Variants in DLG2 observed in about 807,000 individuals in gnomAD.
DLG2 encodes disks large homolog 2.
DLG2 carries 45 observed loss-of-function variants against 132.5 expected under a neutral mutation model. The observed-to-expected ratio is 0.34, with a 90% CI of 0.27 to 0.44. The LOEUF (loss-of-function observed/expected upper bound fraction) is 0.44, where lower values mean the gene tolerates loss of function less well. Among genes scored for constraint, DLG2 ranks in the 20% least tolerant of loss-of-function variants. The probability of loss-of-function intolerance (pLI) is 1.00; values close to 1 mark genes in which losing one functional copy is unlikely to be tolerated. For synonymous variants in DLG2, 424 were observed against 419.6 expected (o/e 1.01, Z -0.13); for missense variants, 1,045 against 1,196.9 (o/e 0.87, Z 1.87).
chr11:83,772,323 T>A (rs1439679878), intron 18 of DLG2, among the ~76,000 whole-genome samples: 1 of 151,344 alleles, frequency 6.6e-6, no homozygotes, highest in Admixed American at 6.6e-5. Context: ...GGTGGGAGGA[T>A]CCCTTGAGCC....
At chr11:85,110,159 T>C (rs1292457133) in intron 6 of DLG2, among the ~76,000 whole-genome samples, 1 of 152,096 alleles carries the variant, frequency 6.6e-6, no homozygotes, top group African/African-American at 2.4e-5. Context: ...AGAAGTGTTC[T>C]ATTTATGAAC....
intron 11 of DLG2, 29 bp from the exon 12 acceptor site, chr11:83,980,671 C>T (rs767446764): frequency 2.5e-5 from 38 of 1,503,308 alleles, no homozygotes; most frequent in Non-Finnish European, 3.3e-5. Context: ...AAATGGAAAG[C>T]CTTGTTTTGT....
intron 6 of DLG2, among the ~76,000 whole-genome samples, chr11:84,947,497 GCCTCCAAATTCCTCCATGCCAACAA>G (rs2050370375): frequency 1.3e-5 from 2 of 152,128 alleles, no homozygotes; most frequent in South Asian, 4.1e-4. Context: ...TAGTTAGGCT[GCCTCCAAATTCCTCCATGCCAACAA>G]CCTCCAATCT....
intron 6 of DLG2, among the ~76,000 whole-genome samples, chr11:85,022,384 A>C (rs576713073): frequency 1.3e-5 from 2 of 152,216 alleles, no homozygotes; most frequent in South Asian, 4.1e-4. Flanking sequence ...AAAATAATAT[A>C]TACTTTGCGA....
chr11:85,260,820 T>C (rs2076900240), intron 4 of DLG2, among the ~76,000 whole-genome samples: 1 of 152,152 alleles, frequency 6.6e-6, no homozygotes, highest in African/African-American at 2.4e-5. Flanking sequence ...AATCACTTTT[T>C]TATTACACTG....
intron 6 of DLG2, among the ~76,000 whole-genome samples, chr11:84,765,299 TG>T (rs760128740): frequency 5.3e-5 from 8 of 152,106 alleles, no homozygotes; most frequent in Non-Finnish European, 7.4e-5. Context: ...TGAAAACTCA[TG>T]TCCCTTTTTG....
intron 16 of DLG2, among the ~76,000 whole-genome samples, chr11:83,845,496 C>A (rs1011613990): frequency 8.5e-5 from 13 of 152,150 alleles, no homozygotes; most frequent in African/African-American, 2.9e-4. Flanking sequence ...TATTGGGCAT[C>A]ATACAGATAC....
intron 3 of DLG2, among the ~76,000 whole-genome samples, chr11:85,538,867 G>C (rs1369243068): frequency 6.6e-6 from 1 of 151,734 alleles, no homozygotes; most frequent in East Asian, 1.9e-4. Flanking sequence ...AGGAACATCA[G>C]GATAAATAGC....
At chr11:84,847,290 A>G (rs73514995) in intron 6 of DLG2, among the ~76,000 whole-genome samples, 2 of 152,182 alleles carry the variant, frequency 1.3e-5, no homozygotes, top group Admixed American at 6.5e-5. Context: ...ATCAGAGGCT[A>G]GAGAAAAGGT....
chr11:84,095,972 T>C (rs1032039383), intron 10 of DLG2, among the ~76,000 whole-genome samples: 36 of 152,014 alleles, frequency 2.4e-4, no homozygotes, highest in African/African-American at 7.2e-4. Flanking sequence ...AAAAGGGAAA[T>C]TGTGGCTCAA....
rs1188640118 is a variant in DLG2 at position 83,631,595 on chromosome 11, T to C, written c.1940+1616A>G. 2.0e-5 allele frequency: 3 copies of C among 152,188 alleles called. No homozygotes were observed. The East Asian group carries it at 5.8e-4, about 29-fold the overall frequency. The allele number at this position is 152,188 out of a possible 1,614,324, so 9.4% of individuals were successfully genotyped here. A position where few individuals can be genotyped will look rare whatever the true frequency, so the allele number is the denominator to read the frequency against. ...TAATTACTACTCTTTCAAATAAGTG[T>C]ATTAGTTTTATATAATATCATATCA... On this transcript the variant is annotated intron_variant, in intron 19 of 27. Coordinates refer to ENST00000376104, the MANE Select transcript of DLG2 (RefSeq NM_001142699.3).
intron 6 of DLG2, among the ~76,000 whole-genome samples, chr11:84,600,219 AGAAAG>A (rs1321946033): frequency 3.7e-5 from 5 of 133,684 alleles, no homozygotes; most frequent in African/African-American, 1.7e-4. Context: ...AAAGAAAGAA[AGAAAG>A]AGAAAGAAAG....
At chr11:85,245,172 G>T (rs1273405955) in intron 4 of DLG2, among the ~76,000 whole-genome samples, 2 of 151,904 alleles carry the variant, frequency 1.3e-5, no homozygotes, top group Non-Finnish European at 2.9e-5. Context: ...AATAAAACTA[G>T]ATTCAGGCCT....
chr11:85,247,851 T>G (rs142687498), intron 4 of DLG2, among the ~76,000 whole-genome samples: 23 of 152,156 alleles, frequency 1.5e-4, no homozygotes, highest in African/African-American at 4.8e-4. Flanking sequence ...CTTCTGTTGA[T>G]CCTTCTATTT....
chr11:83,857,610 G>A (rs567765129), intron 16 of DLG2, among the ~76,000 whole-genome samples: 11 of 152,280 alleles, frequency 7.2e-5, no homozygotes, highest in Non-Finnish European at 1.5e-4. Context: ...CCAGATACAT[G>A]TCATTATACG....
intron 21 of DLG2, among the ~76,000 whole-genome samples, chr11:83,507,471 A>ATATATATATCCACATATATATACCC (rs2094768150): frequency 4.8e-5 from 3 of 62,104 alleles, no homozygotes; most frequent in Admixed American, 4.3e-4. Context: ...TATATACCCT[A>ATATATATATCCACATATATATACCC]TATATATATA....
At chr11:85,253,219 T>C (rs1044601805) in intron 4 of DLG2, among the ~76,000 whole-genome samples, 1 of 152,182 alleles carries the variant, frequency 6.6e-6, no homozygotes, top group African/African-American at 2.4e-5. Flanking sequence ...AAAAATTAAA[T>C]GGACAGGTTG....
chr11:83,690,776 A>G (rs561253846), intron 18 of DLG2, among the ~76,000 whole-genome samples: 57 of 152,090 alleles, frequency 3.7e-4, no homozygotes, highest in Admixed American at 6.6e-4. Context: ...TGTTTTTCAC[A>G]TTTTCAGTTT....
intron 6 of DLG2, among the ~76,000 whole-genome samples, chr11:84,774,758 G>C (rs2070131105): frequency 6.6e-6 from 1 of 151,976 alleles, no homozygotes; most frequent in Non-Finnish European, 1.5e-5. Context: ...AATAAACCTG[G>C]ACCCCTACTT....
Sources: allele counts gnomAD v4.1 joint callset (sites outside exome capture counted in the v4.1 genomes callset), GRCh38; gene constraint gnomAD v4.1.1; transcripts MANE v1.5; gene names NCBI Gene and HGNC (gene_info 2026-07-23, HGNC 2026-07-21).